The following COL4A2 variants were observed in gnomAD, a reference collection of about 807,000 sequenced individuals.
COL4A2 encodes the protein collagen alpha-2(IV) chain.
A neutral mutation model predicts 200.2 loss-of-function variants in COL4A2; 99 were observed. The ratio of observed to expected loss-of-function variants is 0.49; its 90% CI spans 0.42 to 0.58. COL4A2 has a LOEUF of 0.58. Ranked by LOEUF, COL4A2 falls within the 20% of genes least tolerant of loss-of-function variation. COL4A2 has a pLI of 0.00. For missense variants in COL4A2, 1,950 were observed against 2,314.1 expected (o/e 0.84, Z 3.23); for synonymous variants, 897 against 900.6 (o/e 1.00, Z 0.07).
At chr13:110,469,673 C>A (rs1038118058) in intron 28 of COL4A2, among the ~76,000 whole-genome samples, 1 of 152,138 alleles carries the variant, frequency 6.6e-6, no homozygotes, top group East Asian at 1.9e-4. Context: ...TGAAAGAACC[C>A]TTAAAGGCAT....
At chr13:110,449,823 C>A (rs1253838959) in intron 19 of COL4A2, 34 bp downstream of exon 19, 3 of 1,539,528 alleles carry the variant, frequency 1.9e-6, no homozygotes, top group African/African-American at 2.8e-5. Flanking sequence ...CACCGGAGAC[C>A]CAAAGCACCT....
intron 3 of COL4A2, among the ~76,000 whole-genome samples, chr13:110,312,602 T>C (rs1885014532): frequency 6.6e-6 from 1 of 152,184 alleles, no homozygotes; most frequent in Non-Finnish European, 1.5e-5. Context: ...TCTCATTCTT[T>C]TTATCTGAAG....
intron 47 of COL4A2, among the ~76,000 whole-genome samples, chr13:110,510,978 T>G (rs553650529): frequency 2.9e-4 from 44 of 151,580 alleles, no homozygotes; most frequent in African/African-American, 4.4e-4. Context: ...GGTTTTTGGG[T>G]TTTTTTTTGT....
At chr13:110,484,423 C>T (rs932291760) in intron 32 of COL4A2, among the ~76,000 whole-genome samples, 1 of 152,136 alleles carries the variant, frequency 6.6e-6, no homozygotes, top group African/African-American at 2.4e-5. Flanking sequence ...CCCCTCCCCT[C>T]CTGCAATTTC....
At chr13:110,470,552 C>G (rs771552608) in intron 28 of COL4A2, among the ~76,000 whole-genome samples, 15 of 152,216 alleles carry the variant, frequency 9.9e-5, no homozygotes, top group African/African-American at 1.4e-4. Context: ...CACATACTTT[C>G]TTTTAATGAC....
chr13:110,482,317 A>G (rs1367003328), intron 31 of COL4A2, among the ~76,000 whole-genome samples, 199 bp from the exon 32 acceptor site: 2 of 152,238 alleles, frequency 1.3e-5, no homozygotes, highest in Non-Finnish European at 2.9e-5. Flanking sequence ...AGACAGGCTG[A>G]TTCTGGAATG....
At chr13:110,379,410 C>G (rs1328641467) in intron 4 of COL4A2, among the ~76,000 whole-genome samples, 1 of 152,190 alleles carries the variant, frequency 6.6e-6, no homozygotes, top group Non-Finnish European at 1.5e-5. Flanking sequence ...CTTGGCATGA[C>G]CTTCCATCTT....
intron 4 of COL4A2, among the ~76,000 whole-genome samples, chr13:110,420,832 C>T (rs1050136665): frequency 2.6e-5 from 4 of 152,182 alleles, no homozygotes; most frequent in African/African-American, 7.2e-5. Flanking sequence ...AGCGTGGCCT[C>T]CTCGGGCCAT....
chr13:110,473,189 A>T, intron 29 of COL4A2, 39 bp downstream of exon 29: 2 of 1,541,326 alleles, frequency 1.3e-6, no homozygotes, highest in Non-Finnish European at 8.8e-7. Context: ...CCCATCCCAG[A>T]TGCACAGTGG....
chr13:110,441,403 C>A (rs991771765), intron 16 of COL4A2, among the ~76,000 whole-genome samples: 1 of 152,198 alleles, frequency 6.6e-6, no homozygotes, highest in Admixed American at 6.5e-5. Context: ...AAACTTAACA[C>A]CAATCTTGAT....
intron 4 of COL4A2, among the ~76,000 whole-genome samples, chr13:110,391,435 T>A (rs1235507876): frequency 6.6e-6 from 1 of 152,250 alleles, no homozygotes; most frequent in Non-Finnish European, 1.5e-5. Flanking sequence ...GCTTCCCTGC[T>A]GTTGCCAGTG....
Position 110,472,951 on chromosome 13 carries a change from C to G in COL4A2, c.2226C>G (p.Ser742=), listed in dbSNP as rs780381987. The change falls in exon 29 of 48, where the codon TCC becomes TCG. Residue 742 remains serine, a synonymous_variant. Coordinates refer to ENST00000360467, the MANE Select transcript of COL4A2 (RefSeq NM_001846.4). ...GPPGFIGPRG[S]KGAVGLPGPD... is the part of the protein sequence containing the mutation. ...TAGGGTTCATAGGACCCCGAGGATC[C>G]AAAGGTGCAGTGGGCCTCCCTGGCC... The G allele has an allele frequency of 5.1e-6, 8 of 1,557,548 alleles. No homozygotes were observed. The highest frequency in any genetic ancestry group is 7.0e-6 in the Non-Finnish European group (8 of 1,150,502).
At chr13:110,336,896 T>C (rs1181776665) in intron 3 of COL4A2, among the ~76,000 whole-genome samples, 10 of 152,230 alleles carry the variant, frequency 6.6e-5, no homozygotes, top group African/African-American at 2.4e-4. Flanking sequence ...TGGCATCCTC[T>C]GGACAACATC....
chr13:110,467,178 C>T, intron 27 of COL4A2, 82 bp downstream of exon 27: 3 of 1,572,420 alleles, frequency 1.9e-6, no homozygotes, highest in African/African-American at 2.7e-5. Context: ...CCCATCTTTC[C>T]TCTGGTCCTG....
chr13:110,410,697 T>C (rs369489105), intron 4 of COL4A2, among the ~76,000 whole-genome samples: 4 of 152,174 alleles, frequency 2.6e-5, no homozygotes, highest in Admixed American at 1.3e-4. Flanking sequence ...TGTTCAGAAA[T>C]CAAAACAGTG....
chr13:110,495,494 T>A, intron 40 of COL4A2, 27 bp downstream of exon 40: 1 of 1,606,034 alleles, frequency 6.2e-7, no homozygotes, highest in Non-Finnish European at 8.5e-7. Flanking sequence ...CAAGCCAACA[T>A]TGCCGTCCCA....
At chr13:110,310,154 C>T (rs142311881) in intron 3 of COL4A2, among the ~76,000 whole-genome samples, 1,812 of 152,340 alleles carry the variant, frequency 0.012, 38 homozygotes, top group African/African-American at 0.04. Context: ...AAAACCTCAT[C>T]ATTGCTGCAA....
intron 28 of COL4A2, among the ~76,000 whole-genome samples, chr13:110,469,906 C>CTT (rs66524559): frequency 0.3 from 22,283 of 75,354 alleles, 3,822 homozygotes; most frequent in Middle Eastern, 0.5. Context: ...GCATACACGT[C>CTT]TTTTTTTTTT....
intron 4 of COL4A2, among the ~76,000 whole-genome samples, chr13:110,366,464 A>G (rs780692680): frequency 2.6e-5 from 4 of 152,228 alleles, no homozygotes; most frequent in Admixed American, 6.5e-5. Flanking sequence ...CTTCAATAAT[A>G]AAGAGAAAAC....
Sources: allele counts gnomAD v4.1 joint callset (sites outside exome capture counted in the v4.1 genomes callset), GRCh38; gene constraint gnomAD v4.1.1; transcripts MANE v1.5; gene names NCBI Gene and HGNC (gene_info 2026-07-23, HGNC 2026-07-21).